DPY19L1: variants seen among roughly 807,000 people sequenced by gnomAD.
DPY19L1 encodes protein C-mannosyl-transferase DPY19L1.
Under a neutral mutation model 96.9 loss-of-function variants are expected in DPY19L1, and 35 were observed. The ratio of observed to expected loss-of-function variants is 0.36; its 90% CI spans 0.28 to 0.48. DPY19L1 has a LOEUF of 0.48. Ranked by LOEUF, DPY19L1 falls within the 20% of genes least tolerant of loss-of-function variation. The pLI is 0.99. For missense variants in DPY19L1, 521 were observed against 777.9 expected (o/e 0.67, Z 3.93); for synonymous variants, 205 against 252.6 (o/e 0.81, Z 1.79).
intron 20 of DPY19L1, 23 bp from the exon 21 acceptor site, chr7:34,938,142 A>C (rs768314290): frequency 1.2e-6 from 2 of 1,608,690 alleles, no homozygotes; most frequent in Non-Finnish European, 1.7e-6. Flanking sequence ...ATAATTGGGC[A>C]TAAAATTTTC....
intron 6 of DPY19L1, among the ~76,000 whole-genome samples, chr7:34,998,794 G>A (rs1785354552): frequency 6.6e-6 from 1 of 152,214 alleles, no homozygotes; most frequent in Admixed American, 6.5e-5. Flanking sequence ...GGAATCAGCA[G>A]GCTGTGGGGA....
At position 34,942,633 on chromosome 7, in the gene DPY19L1, G is replaced by C. The variant is rs759168043; in HGVS notation, c.1551C>G (p.His517Gln). Residue 517 changes from histidine to glutamine, a missense_variant, in exon 17 of 22, where the codon CAC (histidine) becomes CAG (glutamine). Physicochemically the swap from His to Gln is conservative, Grantham distance 24 (BLOSUM62 0). Coordinates refer to ENST00000638088, the MANE Select transcript of DPY19L1 (RefSeq NM_001366673.1). ...TCTTTACCTCTCCATGATCAAACTGGTGTTTTCTGGAACAGAAAAAAATAT... is the reference window on the plus strand; with the variant it reads ...TCTTTACCTCTCCATGATCAAACTGCTGTTTTCTGGAACAGAAAAAAATAT... ...LAKQQTHVRK[H>Q]QFDHGELVYH... 1 of 1,590,978 alleles carries C rather than the reference G, an allele frequency of 6.3e-7. No individual in the cohort carries two copies. Among genetic ancestry groups the C allele is most frequent in the Admixed American group, 1.9e-5 (1 of 53,836 alleles).
chr7:34,964,062 T>C (rs888883623), intron 10 of DPY19L1, among the ~76,000 whole-genome samples: 1 of 152,138 alleles, frequency 6.6e-6, no homozygotes, highest in African/African-American at 2.4e-5. Context: ...AACTGTATAA[T>C]TAAAAATGCT....
At chr7:35,012,742 TAG>T (rs1450967931) in intron 4 of DPY19L1, among the ~76,000 whole-genome samples, 2 of 83,314 alleles carry the variant, frequency 2.4e-5, no homozygotes, top group African/African-American at 7.3e-5. Context: ...AAAAAATACA[TAG>T]ACATCATACA....
At chr7:34,983,875 G>A (rs546878799) in intron 7 of DPY19L1, among the ~76,000 whole-genome samples, 1 of 152,054 alleles carries the variant, frequency 6.6e-6, no homozygotes, top group Non-Finnish European at 1.5e-5. Flanking sequence ...AAACAAAAGT[G>A]TTCAATGAAC....
intron 21 of DPY19L1, among the ~76,000 whole-genome samples, chr7:34,933,578 T>C (rs572328944): frequency 6.6e-5 from 10 of 152,262 alleles, no homozygotes; most frequent in African/African-American, 1.7e-4. Context: ...CTGGGAGAGG[T>C]TGACCCACCC....
chr7:34,998,827 T>C (rs892027161), intron 6 of DPY19L1, among the ~76,000 whole-genome samples: 15 of 151,938 alleles, frequency 9.9e-5, no homozygotes, highest in Admixed American at 2.0e-4. Context: ...ATGTGAAAAA[T>C]AGAAACTAAT....
intron 1 of DPY19L1, among the ~76,000 whole-genome samples, chr7:35,033,655 G>T (rs1278475168): frequency 6.6e-6 from 1 of 152,142 alleles, no homozygotes; most frequent in Non-Finnish European, 1.5e-5. Flanking sequence ...TGGCTATGCT[G>T]CTTCTACCAC....
chr7:35,031,136 T>C (rs115541407), intron 1 of DPY19L1, among the ~76,000 whole-genome samples: 112 of 152,316 alleles, frequency 7.4e-4, no homozygotes, highest in African/African-American at 2.4e-3. Flanking sequence ...TTATGGTCTC[T>C]ATGACAATGT....
intron 7 of DPY19L1, among the ~76,000 whole-genome samples, chr7:34,983,937 T>A (rs763754744): frequency 2.6e-5 from 4 of 151,962 alleles, no homozygotes; most frequent in Non-Finnish European, 5.9e-5. Context: ...AAATATATAA[T>A]GAAAATCTCT....
intron 6 of DPY19L1, 70 bp from the exon 7 acceptor site, chr7:34,990,011 A>C: frequency 8.1e-7 from 1 of 1,231,922 alleles, no homozygotes; most frequent in Non-Finnish European, 1.2e-6. Context: ...CTTAAAACAC[A>C]TAATATCATA....
At chr7:35,017,207 T>C (rs972861556) in intron 3 of DPY19L1, among the ~76,000 whole-genome samples, 3 of 151,902 alleles carry the variant, frequency 2.0e-5, no homozygotes, top group South Asian at 4.1e-4. Context: ...TAAAAAGAGA[T>C]AGTTGGCCGG....
At chr7:34,956,338 A>G (rs1214372942) in intron 11 of DPY19L1, among the ~76,000 whole-genome samples, 1 of 152,198 alleles carries the variant, frequency 6.6e-6, no homozygotes, top group Non-Finnish European at 1.5e-5. Flanking sequence ...CAGAGAACAC[A>G]GAACTGAAGA....
At chr7:34,934,835 GT>G (rs1783832325) in intron 21 of DPY19L1, among the ~76,000 whole-genome samples, 1 of 152,208 alleles carries the variant, frequency 6.6e-6, no homozygotes, top group Non-Finnish European at 1.5e-5. Context: ...ACCTCCTGCT[GT>G]GAGACTGGGT....
chr7:34,953,458 C>A (rs186466157), intron 13 of DPY19L1, among the ~76,000 whole-genome samples: 2 of 152,102 alleles, frequency 1.3e-5, no homozygotes, highest in African/African-American at 2.4e-5. Flanking sequence ...TTCCTGATCA[C>A]GCTCTGCATA....
chr7:34,983,698 G>C (rs991039678), intron 7 of DPY19L1, among the ~76,000 whole-genome samples: 1 of 151,790 alleles, frequency 6.6e-6, no homozygotes, highest in Non-Finnish European at 1.5e-5. Flanking sequence ...GGGAGAAAAA[G>C]GAACAGTGTC....
chr7:34,931,741 A>C lies in DPY19L1; in HGVS notation c.2091-12T>G. The C allele has an allele frequency of 6.4e-7, 1 of 1,572,540 alleles. No homozygotes were observed. Among genetic ancestry groups the C allele is most frequent in the Non-Finnish European group, 8.6e-7 (1 of 1,163,160 alleles). On this transcript the variant is annotated splice_polypyrimidine_tract_variant and intron_variant, in intron 21 of 21. Coordinates refer to ENST00000638088, the MANE Select transcript of DPY19L1 (RefSeq NM_001366673.1). The stretch of plus-strand genomic sequence containing the variant: ...TACTGCAACCAGGCCTAGAAAAATG[A>C]ATGTACATGTTAAAAATCAATATGC...
At chr7:34,997,511 G>C (rs1441804786) in intron 6 of DPY19L1, among the ~76,000 whole-genome samples, 1 of 149,832 alleles carries the variant, frequency 6.7e-6, no homozygotes, top group African/African-American at 2.5e-5. Flanking sequence ...TCGGGAGGCT[G>C]AGGCAGGAGA....
chr7:34,939,054 G>GT, intron 20 of DPY19L1: 1 of 434,768 alleles, frequency 2.3e-6, no homozygotes, highest in South Asian at 5.2e-5. Context: ...TATATGCCTG[G>GT]TAGAGAAGAG....
Sources: gnomAD v4.1 joint callset for allele counts (sites outside exome capture counted in the v4.1 genomes callset) on GRCh38, gnomAD v4.1.1 for gene constraint, MANE v1.5 for transcripts, NCBI Gene and HGNC (gene_info 2026-07-23, HGNC 2026-07-21) for gene names.